CDC25C: variants seen among roughly 807,000 people sequenced by gnomAD.
CDC25C encodes the protein M-phase inducer phosphatase 3.
CDC25C carries 48 observed loss-of-function variants against 52.5 expected under a neutral mutation model. That is an observed-to-expected ratio of 0.91 (90% CI 0.72 to 1.16). The LOEUF (loss-of-function observed/expected upper bound fraction) is 1.16. Ranked by LOEUF, CDC25C falls within the 50% of genes most tolerant of loss-of-function variation. CDC25C has a pLI of 0.00. For synonymous variants in CDC25C, 187 were observed against 206.5 expected (o/e 0.91, Z 0.81); for missense variants, 510 against 566.1 (o/e 0.90, Z 1.01).
At chr5:138,306,503 TCTCA>T (rs1013629616) in intron 7 of CDC25C, among the ~76,000 whole-genome samples, 3 of 152,068 alleles carry the variant, frequency 2.0e-5, no homozygotes, top group Non-Finnish European at 2.9e-5. Flanking sequence ...TGAGACAGGG[TCTCA>T]CTCTGTCACC....
In CDC25C at chr5:138,338,141, A is replaced by G. The variant is rs545699599; in HGVS notation, c.-173T>C. ...ACACTTTGAGAGAGACACGACACGG[A>G]GCTGCGCCCTCCATGGGTGGCTTGG... is the stretch of plus-strand genomic sequence containing the variant. On this transcript the variant is annotated 5_prime_UTR_variant, in exon 1 of 6. Transcript: ENST00000510119. The G allele has an allele frequency of 1.5e-4, 195 of 1,289,658 alleles. 1 individual carries two copies. Among genetic ancestry groups the G allele is most frequent in the Non-Finnish European group, 1.9e-4 (187 of 988,870 alleles). 79.9% of individuals were successfully genotyped at this position (1,289,658 alleles called of 1,614,324 possible). A position where few individuals can be genotyped will look rare whatever the true frequency, so the allele number is the denominator to read the frequency against.
At chr5:138,327,164 A>AGAAT in intron 4 of CDC25C, among the ~76,000 whole-genome samples, 1 of 151,764 alleles carries the variant, frequency 6.6e-6, no homozygotes, top group East Asian at 1.9e-4. Context: ...CCGAGGCAGG[A>AGAAT]GAATCACTTG....
At position 138,289,562 on chromosome 5, in the gene CDC25C, A is replaced by G. The variant is rs1756538680; in HGVS notation, c.866T>C (p.Val289Ala). The change falls in exon 10 of 14, where the codon GTA (valine) becomes GCA (alanine). Residue 289 changes from valine to alanine, a missense_variant and splice_region_variant. Val to Ala is a moderately conservative substitution (Grantham distance 64). Coordinates refer to ENST00000323760, the MANE Select transcript of CDC25C (RefSeq NM_001790.5). ...CCCTGACACGGTTGGCAGCGCACAT[A>G]CCTAGAAATACACAAGAGCTGAAAT... ...QGHLIGDFSKVCALPTVSGKH... is the reference protein window; with the variant it reads ...QGHLIGDFSKACALPTVSGKH... The G allele has an allele frequency of 3.1e-6, 5 of 1,612,232 alleles. No individual in the cohort carries two copies. The highest frequency in any genetic ancestry group is 4.2e-6 in the Non-Finnish European group (5 of 1,178,272).
intron 7 of CDC25C, among the ~76,000 whole-genome samples, chr5:138,295,658 C>T (rs1192392101): frequency 6.6e-6 from 1 of 151,600 alleles, no homozygotes; most frequent in African/African-American, 2.4e-5. Context: ...TACTTCTTTC[C>T]TATACACTTA....
In CDC25C at chr5:138,287,160, T is replaced by C. The variant is rs745794518; in HGVS notation, c.1026+9A>G. The C allele has an allele frequency of 3.1e-6, 5 of 1,597,144 alleles. No individual in the cohort carries two copies. In the Admixed American group the frequency reaches 5.0e-5, roughly 16 times the overall value. ...CCCTCCCCTACTAATGGCCACAATG[T>C]CGTCTCACCTGGATGTGTCCTCCCA... On this transcript the variant is annotated intron_variant, in intron 11 of 13. Transcript: ENST00000323760.
chr5:138,302,783 G>C (rs1452202769), intron 7 of CDC25C, among the ~76,000 whole-genome samples: 1 of 151,908 alleles, frequency 6.6e-6, no homozygotes, highest in Non-Finnish European at 1.5e-5. Context: ...AAAAGGGCTG[G>C]GTAGGGTAAC....
intron 11 of CDC25C, 133 bp from the exon 12 acceptor site, chr5:138,286,763 G>T: frequency 1.3e-6 from 1 of 742,914 alleles, no homozygotes; most frequent in Non-Finnish European, 2.2e-6. Flanking sequence ...TTAGGGCAGG[G>T]GTCTAAGTAT....
At chr5:138,306,901 C>T (rs566687123) in intron 7 of CDC25C, among the ~76,000 whole-genome samples, 31 of 151,266 alleles carry the variant, frequency 2.0e-4, no homozygotes, top group African/African-American at 6.1e-4. Flanking sequence ...TGGAGTGCAG[C>T]GGCACGATCT....
Position 138,315,577 on chromosome 5 carries a change from A to G in CDC25C, c.615+3642T>C, listed in dbSNP as rs570667211. ...TTACCACAATGAAATTCATTAACACATCCTTCATCACACAGTTACCATTTG... is the reference window on the plus strand; with the variant it reads ...TTACCACAATGAAATTCATTAACACGTCCTTCATCACACAGTTACCATTTG... On this transcript the variant is annotated intron_variant, in intron 7 of 13. Transcript: ENST00000323760. Among the ~76,000 whole-genome samples the G allele has an allele frequency of 1.0e-3, 152 of 152,342 alleles. 1 individual carries two copies. The highest frequency in any genetic ancestry group is 3.4e-3 in the Middle Eastern group (1 of 294).
upstream of CDC25C, among the ~76,000 whole-genome samples, chr5:138,332,884 A>C (rs983105826): frequency 2.0e-5 from 3 of 152,128 alleles, no homozygotes; most frequent in Non-Finnish European, 4.4e-5. Flanking sequence ...GCTTTTAAAT[A>C]ATCCTGTGCT....
chr5:138,295,360 C>T (rs1330471160), intron 7 of CDC25C, among the ~76,000 whole-genome samples: 1 of 152,136 alleles, frequency 6.6e-6, no homozygotes, highest in African/African-American at 2.4e-5. Flanking sequence ...CCTGTAATCC[C>T]AACACTTTGA....
chr5:138,337,105 A>T (rs1208593715), intron 1 of CDC25C: 1 of 152,202 alleles, frequency 6.6e-6, no homozygotes, highest in Admixed American at 6.5e-5. Flanking sequence ...AGAAATAGAA[A>T]ACTTTGTATT....
At chr5:138,326,680 G>A (rs764491788) in intron 4 of CDC25C, among the ~76,000 whole-genome samples, 2 of 152,092 alleles carry the variant, frequency 1.3e-5, no homozygotes, top group African/African-American at 2.4e-5. Flanking sequence ...CTGGCGGGGC[G>A]CTGTGGCCCA....
chr5:138,295,392 C>T (rs1018807785), intron 7 of CDC25C, among the ~76,000 whole-genome samples: 1 of 152,158 alleles, frequency 6.6e-6, no homozygotes, highest in African/African-American at 2.4e-5. Context: ...GAGTCCAAAT[C>T]GCTTGAGTCC....
Position 138,331,609 on chromosome 5 carries a change from C to T in CDC25C, c.-53G>A. 2 of 1,015,984 alleles carry T rather than the reference C, an allele frequency of 2.0e-6. No homozygotes were observed. Among genetic ancestry groups the T allele is most frequent in the South Asian group, 8.0e-5 (2 of 25,072 alleles). 62.9% of individuals were successfully genotyped at this position (1,015,984 alleles called of 1,614,324 possible). On this transcript the variant is annotated 5_prime_UTR_variant, in exon 1 of 14. Transcript: ENST00000323760. ...TGCGGACTTACCTCAAGCCTGGAGT[C>T]TGAGGCTTGCCTACAAGAGGAGAGA...
intron 12 of CDC25C, 46 bp from the exon 13 acceptor site, chr5:138,286,179 C>A: frequency 7.0e-7 from 1 of 1,430,570 alleles, no homozygotes; most frequent in Non-Finnish European, 9.8e-7. Flanking sequence ...GAAACAAGGT[C>A]AGGATCCCAG....
chr5:138,291,611 G>A (rs1467551683), intron 8 of CDC25C, among the ~76,000 whole-genome samples: 2 of 151,638 alleles, frequency 1.3e-5, no homozygotes, highest in Admixed American at 1.3e-4. Flanking sequence ...TAGAGACGGG[G>A]TTTCACCGTG....
At chr5:138,305,653 A>T (rs1757952685) in intron 7 of CDC25C, among the ~76,000 whole-genome samples, 1 of 152,190 alleles carries the variant, frequency 6.6e-6, no homozygotes, top group Admixed American at 6.6e-5. Context: ...CTTCTGCCTC[A>T]GACTCCCAAA....
chr5:138,338,201 T>A (rs1391363732), exon 1 of CDC25C: 1 of 1,279,496 alleles, frequency 7.8e-7, no homozygotes. Flanking sequence ...CCCCCTACTC[T>A]CCTCAGGGAC....
Sources: allele counts gnomAD v4.1 joint callset (sites outside exome capture counted in the v4.1 genomes callset), GRCh38; gene constraint gnomAD v4.1.1; transcripts MANE v1.5; gene names NCBI Gene and HGNC (gene_info 2026-07-23, HGNC 2026-07-21).